Variants in SDK1 observed in about 807,000 individuals in gnomAD.
SDK1 encodes the protein sidekick cell adhesion molecule 1.
A neutral mutation model predicts 245.5 loss-of-function variants in SDK1; 157 were observed. That is an observed-to-expected ratio of 0.64 (90% CI 0.56 to 0.73). The LOEUF (loss-of-function observed/expected upper bound fraction) is 0.73, where lower values mean the gene tolerates loss of function less well. SDK1 is among the 30% of genes least tolerant of loss of function. The pLI is 0.00. For missense variants in SDK1, 3,583 were observed against 3,002.3 expected, an observed-to-expected ratio of 1.19 and a Z score of -4.52; for synonymous variants, 1,647 against 1,278.5, an observed-to-expected ratio of 1.29 and a Z score of -6.15.
At chr7:3,617,736 T>A (rs775892048) in intron 1 of SDK1, among the ~76,000 whole-genome samples, 1 of 152,192 alleles carries the variant, frequency 6.6e-6, no homozygotes, top group Non-Finnish European at 1.5e-5. Context: ...CCTTGATAAC[T>A]AACTCCCTCC....
chr7:3,427,387 C>T (rs760136666), intron 1 of SDK1, among the ~76,000 whole-genome samples: 21 of 151,944 alleles, frequency 1.4e-4, no homozygotes, highest in East Asian at 3.9e-4. Flanking sequence ...GGTGTGGTGG[C>T]GGGCACCTGT....
chr7:3,903,883 G>A (rs188655358), intron 5 of SDK1, among the ~76,000 whole-genome samples: 9 of 152,152 alleles, frequency 5.9e-5, no homozygotes, highest in African/African-American at 1.9e-4. Flanking sequence ...GAGAGAGCTG[G>A]TTGTTAAAAA....
chr7:3,985,973 C>G (rs779058928), intron 13 of SDK1, among the ~76,000 whole-genome samples: 1 of 152,100 alleles, frequency 6.6e-6, no homozygotes, highest in Non-Finnish European at 1.5e-5. Context: ...AGCGGTGACC[C>G]GGGTCACACT....
rs770565086 is a variant in SDK1 at position 3,951,005 on chromosome 7, G to A, written c.930G>A (p.Glu310=). The A allele has an allele frequency of 1.9e-6, 3 of 1,613,760 alleles. No individual in the cohort carries two copies. In the African/African-American group the frequency reaches 4.0e-5, roughly 22 times the overall value. Residue 310 remains glutamate (E), a synonymous_variant, in exon 6 of 45, where the codon GAG becomes GAA. Coordinates refer to ENST00000404826, the MANE Select transcript of SDK1 (RefSeq NM_152744.4). ...GAAGTGTGGTGGCTGGATCCAGTGA[G>A]ACCACCTTGGAATGTATAGCCAGTG... The part of the protein sequence containing the change: ...GNRSVVAGSS[E]TTLECIASAR...
intron 4 of SDK1, among the ~76,000 whole-genome samples, chr7:3,755,897 T>C (rs1779912482): frequency 6.6e-6 from 1 of 151,674 alleles, no homozygotes; most frequent in Non-Finnish European, 1.5e-5. Flanking sequence ...TTGCATGTTT[T>C]GAATCTGACT....
rs368519285 is a variant in SDK1, at chr7:3,538,898, C to G, written c.299-80182C>G. On this transcript the variant is annotated intron_variant, in intron 1 of 44. Transcript: ENST00000404826. ...GCTGTCGGCATGATTTTATGGTTGTCCACACAAAGAGGCAGACGGAATCTT... is the reference window on the plus strand; with the variant it reads ...GCTGTCGGCATGATTTTATGGTTGTGCACACAAAGAGGCAGACGGAATCTT... Among the ~76,000 whole-genome samples the G allele has an allele frequency of 4.6e-5, 7 of 152,322 alleles. No individual in the cohort carries two copies. The South Asian group carries it at 1.2e-3, about 27-fold the overall frequency.
chr7:3,641,665 T>A (rs1224835120), intron 3 of SDK1, among the ~76,000 whole-genome samples: 2 of 152,254 alleles, frequency 1.3e-5, no homozygotes, highest in East Asian at 3.8e-4. Flanking sequence ...GCATTTCATT[T>A]CAGTGTCACA....
chr7:3,924,885 G>T (rs17134038), intron 5 of SDK1, among the ~76,000 whole-genome samples: 4,952 of 152,222 alleles, frequency 0.033, 282 homozygotes, highest in African/African-American at 0.11. Flanking sequence ...CGACTCACTT[G>T]TCTGGTGCTT....
At position 4,208,058 on chromosome 7, in the gene SDK1, C is replaced by G. The variant is rs1385242805; in HGVS notation, c.5215-41C>G. The G allele has an allele frequency of 2.0e-6, 3 of 1,519,432 alleles. No individual in the cohort carries two copies. In the African/African-American group the frequency reaches 4.1e-5, roughly 21 times the overall value. 94.1% of individuals were successfully genotyped at this position (1,519,432 alleles called of 1,614,324 possible). A position where few individuals can be genotyped will look rare whatever the true frequency, so the allele number is the denominator to read the frequency against. ...TCAGTGGCCCCCGCTTACTGGAAGG[C>G]TTCCCCAGGACCCACCCCAACCTCT... On this transcript the variant is annotated intron_variant, in intron 36 of 44. Coordinates refer to ENST00000404826, the MANE Select transcript of SDK1 (RefSeq NM_152744.4).
intron 4 of SDK1, among the ~76,000 whole-genome samples, chr7:3,779,105 G>T (rs1156938844): frequency 6.6e-6 from 1 of 152,172 alleles, no homozygotes; most frequent in Non-Finnish European, 1.5e-5. Context: ...GAATTCTGCG[G>T]AGTTTCTTTT....
chr7:3,943,328 A>C (rs73674355), intron 5 of SDK1, among the ~76,000 whole-genome samples: 2,751 of 31,234 alleles, frequency 0.088, 93 homozygotes, highest in African/African-American at 0.24. Context: ...CACCAGGCTC[A>C]AGGTTCAGCA....
chr7:3,656,379 A>C (rs953569633), intron 4 of SDK1, among the ~76,000 whole-genome samples: 11 of 151,540 alleles, frequency 7.3e-5, no homozygotes, highest in African/African-American at 2.2e-4. Context: ...TGTCAGTGCT[A>C]CTCTCCCCAA....
chr7:3,307,323 C>T (rs979041017), intron 1 of SDK1, among the ~76,000 whole-genome samples: 1 of 152,072 alleles, frequency 6.6e-6, no homozygotes, highest in African/African-American at 2.4e-5. Flanking sequence ...TATGGCACCT[C>T]CTGCCATCCT....
At chr7:3,938,533 C>T (rs1477016365) in intron 5 of SDK1, among the ~76,000 whole-genome samples, 1 of 151,738 alleles carries the variant, frequency 6.6e-6, no homozygotes, top group Non-Finnish European at 1.5e-5. Context: ...GTAGTCCCAG[C>T]TACTTGGGAG....
chr7:4,132,554 T>A lies in SDK1; in HGVS notation c.4228+131T>A, dbSNP rs1784909437. The A allele has an allele frequency of 1.3e-5, 8 of 615,846 alleles. No individual in the cohort carries two copies. In the South Asian group the frequency reaches 1.5e-4, roughly 11 times the overall value. The allele number at this position is 615,846 out of a possible 1,614,324, so 38.1% of individuals were successfully genotyped here. ...CTGGGCAACATTGTGAGACCCCATC[T>A]CTCCAAAGAAAAAATTCAGACTATT... On this transcript the variant is annotated intron_variant, in intron 28 of 44. Transcript: ENST00000404826.
At chr7:4,135,036 T>C (rs923173455) in intron 28 of SDK1, among the ~76,000 whole-genome samples, 1 of 152,226 alleles carries the variant, frequency 6.6e-6, no homozygotes, top group Non-Finnish European at 1.5e-5. Context: ...TCCCTGCACG[T>C]GTCTACCTGG....
intron 1 of SDK1, among the ~76,000 whole-genome samples, chr7:3,327,727 C>A (rs1779970694): frequency 6.6e-6 from 1 of 151,930 alleles, no homozygotes; most frequent in African/African-American, 2.4e-5. Flanking sequence ...ATGACTGTGT[C>A]TTTATTTATC....
chr7:4,146,315 C>T (rs1779977303), intron 29 of SDK1, among the ~76,000 whole-genome samples: 1 of 151,304 alleles, frequency 6.6e-6, no homozygotes, highest in South Asian at 2.1e-4. Context: ...GACACACTTT[C>T]AGCCTCACAG....
chr7:3,385,021 C>G (rs6462059), intron 1 of SDK1, among the ~76,000 whole-genome samples: 1 of 152,116 alleles, frequency 6.6e-6, no homozygotes, highest in East Asian at 1.9e-4. Flanking sequence ...GATGTGCTCT[C>G]TCTAGAGACA....
Sources: gnomAD v4.1 joint callset for allele counts (sites outside exome capture counted in the v4.1 genomes callset) on GRCh38, gnomAD v4.1.1 for gene constraint, MANE v1.5 for transcripts, NCBI Gene and HGNC (gene_info 2026-07-23, HGNC 2026-07-21) for gene names.